Variants in INO80D observed in about 807,000 individuals in gnomAD.
INO80D encodes INO80 complex subunit D.
A neutral mutation model predicts 87.6 loss-of-function variants in INO80D; 21 were observed. That is an observed-to-expected ratio of 0.24 (90% CI 0.17 to 0.35). INO80D has a LOEUF of 0.35. Among genes scored for constraint, INO80D ranks in the 10% least tolerant of loss-of-function variants. The pLI, the probability that INO80D is intolerant of heterozygous loss-of-function variation, is 1.00. For missense variants in INO80D, 982 were observed against 1,280.7 expected (o/e 0.77, Z 3.56); for synonymous variants, 440 against 491.0 (o/e 0.90, Z 1.37).
Position 206,004,987 on chromosome 2 carries a change from T to C in INO80D, c.2465A>G (p.His822Arg). 1.2e-6 allele frequency: 2 copies of C among 1,613,034 alleles called. No homozygotes were observed. Among genetic ancestry groups the C allele is most frequent in the Non-Finnish European group, 1.7e-6 (2 of 1,179,630 alleles). Residue 822 changes from histidine (H) to arginine (R), a missense_variant, in exon 11 of 11, where the codon CAC becomes CGC. Physicochemically the swap from His to Arg is conservative, Grantham distance 29 (BLOSUM62 0). Coordinates refer to ENST00000403263, the MANE Select transcript of INO80D (RefSeq NM_017759.5). This position sits in a 1 kb window ranked among gnomAD's most constrained non-coding sequence, Gnocchi z 4.9. ...ATAATGGCTTCCATGGGGTGAGGAG[T>C]GTGAGTGATCACTGCTGTATTGCTG... The part of the protein sequence containing the change: ...SRQQYSSDHS[H>R]SSPHGSHYDS...
chr2:206,078,636 A>C (rs1472796304), intron 1 of INO80D, among the ~76,000 whole-genome samples: 1 of 138,868 alleles, frequency 7.2e-6, no homozygotes, highest in African/African-American at 2.9e-5. Flanking sequence ...GTCTCCATTT[A>C]AACAAAAACA....
chr2:206,084,264 CACACACACA>C (rs1441850040), intron 1 of INO80D, among the ~76,000 whole-genome samples: 43 of 147,314 alleles, frequency 2.9e-4, no homozygotes, highest in Admixed American at 2.6e-3. Context: ...CACACACACA[CACACACACA>C]CCCCAAAACC....
At chr2:206,064,503 C>A (rs918803027) in intron 1 of INO80D, among the ~76,000 whole-genome samples, 1 of 152,174 alleles carries the variant, frequency 6.6e-6, no homozygotes, top group Non-Finnish European at 1.5e-5. Flanking sequence ...TGTCAGAAGA[C>A]ACGGTTGTTC....
intron 4 of INO80D, among the ~76,000 whole-genome samples, chr2:206,047,912 G>A (rs975270342): frequency 4.0e-5 from 6 of 148,264 alleles, no homozygotes; most frequent in East Asian, 4.1e-4. Context: ...GTGCAGTGGC[G>A]TGATCTCTGC....
chr2:205,996,714 G>A lies in INO80D; in HGVS notation c.*7654C>T, dbSNP rs1687815623. On this transcript the variant is annotated 3_prime_UTR_variant, in exon 11 of 11. Coordinates refer to ENST00000403263, the MANE Select transcript of INO80D (RefSeq NM_017759.5). ...ACTTTTCAATCTTTCCATTGACAAG[G>A]CAAGTTCACATTCAGCAAAGTGCCA... The A allele has an allele frequency of 6.6e-6, 1 of 151,884 alleles. No homozygotes were observed. Among genetic ancestry groups the A allele is most frequent in the Non-Finnish European group, 1.5e-5 (1 of 67,942 alleles). 9.4% of individuals were successfully genotyped at this position (151,884 alleles called of 1,614,324 possible).
At chr2:206,059,580 C>T (rs571955510) in intron 3 of INO80D, among the ~76,000 whole-genome samples, 23 of 152,140 alleles carry the variant, frequency 1.5e-4, no homozygotes, top group Non-Finnish European at 1.8e-4. Flanking sequence ...AAATCTCAAG[C>T]ACACACAGAA....
chr2:206,019,914 T>C (rs1479950808), intron 6 of INO80D, 69 bp from the exon 7 acceptor site: 4 of 1,122,844 alleles, frequency 3.6e-6, no homozygotes, highest in South Asian at 1.3e-5. Flanking sequence ...TTTTTCAACA[T>C]GATGTCACAA....
At chr2:206,021,413 T>A (rs1688461381) in intron 6 of INO80D, among the ~76,000 whole-genome samples, 1 of 152,358 alleles carries the variant, frequency 6.6e-6, no homozygotes, top group South Asian at 2.1e-4. Context: ...ATTATAAGAA[T>A]AGGGAAGTGG....
At chr2:206,023,891 C>T (rs952503513) in intron 6 of INO80D, among the ~76,000 whole-genome samples, 1 of 152,088 alleles carries the variant, frequency 6.6e-6, no homozygotes, top group Admixed American at 6.6e-5. Flanking sequence ...TTAAATATCA[C>T]TGATGTCAGT....
chr2:206,046,467 C>CAA (rs34828561), intron 5 of INO80D, 37 bp downstream of exon 5: 33,551 of 1,030,632 alleles, frequency 0.033, no homozygotes, highest in Non-Finnish European at 0.038. Context: ...GACTCCGTCT[C>CAA]AAAAAAAAAA....
rs1327734642 is a variant in INO80D, at chr2:205,997,803, A to G, written c.*6565T>C. 6.6e-6 allele frequency: 1 copy of G among 152,230 alleles called. No individual in the cohort carries two copies. The highest frequency in any genetic ancestry group is 1.5e-5 in the Non-Finnish European group (1 of 68,010). The allele number at this position is 152,230 out of a possible 1,614,324, so 9.4% of individuals were successfully genotyped here. A position where few individuals can be genotyped will look rare whatever the true frequency, so the allele number is the denominator to read the frequency against. ...ATGATTAATTTGGTGTATTTATACAACAGAGACAATGAGAAAGTAACTCCA... is the reference window on the plus strand; with the variant it reads ...ATGATTAATTTGGTGTATTTATACAGCAGAGACAATGAGAAAGTAACTCCA... On this transcript the variant is annotated 3_prime_UTR_variant, in exon 11 of 11. Coordinates refer to ENST00000403263, the MANE Select transcript of INO80D (RefSeq NM_017759.5).
intron 6 of INO80D, among the ~76,000 whole-genome samples, chr2:206,024,688 A>C (rs1428513828): frequency 2.6e-5 from 4 of 152,234 alleles, no homozygotes; most frequent in African/African-American, 9.6e-5. Context: ...ATCAAAAAAC[A>C]GGTATATAAG....
At chr2:206,023,028 G>A (rs1041427621) in intron 6 of INO80D, among the ~76,000 whole-genome samples, 9 of 152,068 alleles carry the variant, frequency 5.9e-5, no homozygotes, top group Non-Finnish European at 1.2e-4. Flanking sequence ...GTGAAATCCT[G>A]TCTCTACAAA....
rs1168927838 is a variant in INO80D at position 206,062,338 on chromosome 2, T to C, written c.218+461A>G. Among the ~76,000 whole-genome samples the C allele has an allele frequency of 6.6e-6, 1 of 152,176 alleles. No individual in the cohort carries two copies. Among genetic ancestry groups the C allele is most frequent in the African/African-American group, 2.4e-5 (1 of 41,468 alleles). On this transcript the variant is annotated intron_variant, in intron 3 of 10. Coordinates refer to ENST00000403263, the MANE Select transcript of INO80D (RefSeq NM_017759.5). The surrounding 1 kb of genome is among the most constrained non-coding windows in gnomAD (Gnocchi z 4.6). ...TCCTTTACTAACTTCTAGGCATAGA[T>C]TTTAAACTCCAAAATTGCTATCATT...
At chr2:206,024,211 G>A (rs890498081) in intron 6 of INO80D, among the ~76,000 whole-genome samples, 12 of 152,030 alleles carry the variant, frequency 7.9e-5, no homozygotes, top group African/African-American at 2.7e-4. Flanking sequence ...TTGTTCACTC[G>A]TTCATCAATA....
rs1245397973 is a variant in INO80D, at chr2:206,019,991, TAAAG to T, written c.1299-150_1299-147del. On this transcript the variant is annotated intron_variant, in intron 6 of 10. Transcript: ENST00000403263. ...CACTAAATAAAATGCAAATGTGATT[TAAAG>T]AAAGACGGTATTACAATTACCAATT... 5.6e-6 allele frequency: 3 copies of T among 537,844 alleles called. No individual in the cohort carries two copies. The African/African-American group carries it at 5.7e-5, about 10-fold the overall frequency. 33.3% of individuals were successfully genotyped at this position (537,844 alleles called of 1,614,324 possible). A position where few individuals can be genotyped will look rare whatever the true frequency, so the allele number is the denominator to read the frequency against.
chr2:206,077,218 C>T (rs958227240), intron 1 of INO80D, among the ~76,000 whole-genome samples: 3 of 151,626 alleles, frequency 2.0e-5, no homozygotes, highest in African/African-American at 7.3e-5. Flanking sequence ...CGGGCGCCTG[C>T]AGTCCCAGCT....
Position 206,003,593 on chromosome 2 carries a change from C to G in INO80D, c.*775G>C, listed in dbSNP as rs1687943140. On this transcript the variant is annotated 3_prime_UTR_variant, in exon 11 of 11. Coordinates refer to ENST00000403263, the MANE Select transcript of INO80D (RefSeq NM_017759.5). ...TAACTTTTAGCAGAAAAAGGTTGTG[C>G]TACTCACACGACCAGTCCACCACCC... 1 of 152,210 alleles carries G rather than the reference C, an allele frequency of 6.6e-6. No individual in the cohort carries two copies. The highest frequency in any genetic ancestry group is 2.4e-5 in the African/African-American group (1 of 41,440). The allele number at this position is 152,210 out of a possible 1,614,324, so 9.4% of individuals were successfully genotyped here. A position where few individuals can be genotyped will look rare whatever the true frequency, so the allele number is the denominator to read the frequency against.
chr2:206,038,497 C>T (rs1215078613), intron 5 of INO80D, among the ~76,000 whole-genome samples: 1 of 152,144 alleles, frequency 6.6e-6, no homozygotes, highest in African/African-American at 2.4e-5. Context: ...GAGGAGATCT[C>T]TTCCCCTAAC....
Sources: allele counts gnomAD v4.1 joint callset (sites outside exome capture counted in the v4.1 genomes callset), GRCh38; gene constraint gnomAD v4.1.1; non-coding constraint Gnocchi (gnomAD v3.1); transcripts MANE v1.5; gene names NCBI Gene and HGNC (gene_info 2026-07-23, HGNC 2026-07-21).